SOHLH2: variants seen among roughly 807,000 people sequenced by gnomAD.
SOHLH2 encodes spermatogenesis- and oogenesis-specific basic helix-loop-helix-containing protein 2.
In SOHLH2, 22 loss-of-function variants were observed where a neutral mutation model predicts 50.4. The observed-to-expected ratio is 0.44, with a 90% CI of 0.31 to 0.62. The LOEUF is 0.62. SOHLH2 is among the 20% of genes least tolerant of loss of function. The pLI, the probability that SOHLH2 is intolerant of heterozygous loss-of-function variation, is 0.08. For missense variants in SOHLH2, 412 were observed against 504.4 expected (o/e 0.82, Z 1.76); for synonymous variants, 185 against 187.3 (o/e 0.99, Z 0.10).
At chr13:36,209,703 C>T (rs544473095) in intron 1 of SOHLH2, among the ~76,000 whole-genome samples, 8 of 152,312 alleles carry the variant, frequency 5.3e-5, no homozygotes, top group African/African-American at 1.9e-4. Context: ...AACATTCAGA[C>T]TACAGCACCT....
At chr13:36,210,846 T>G (rs936673820) in intron 1 of SOHLH2, among the ~76,000 whole-genome samples, 3 of 147,968 alleles carry the variant, frequency 2.0e-5, no homozygotes, top group Non-Finnish European at 4.6e-5. Context: ...ATATGTAATT[T>G]CTACAGTAGA....
chr13:36,178,009 T>C (rs1365535674), intron 6 of SOHLH2, among the ~76,000 whole-genome samples: 1 of 151,992 alleles, frequency 6.6e-6, no homozygotes, highest in Non-Finnish European at 1.5e-5. Context: ...GAAGACATTC[T>C]ATTTTCTTGT....
Position 36,201,798 on chromosome 13 carries a change from T to C in SOHLH2, c.263+81A>G. ...ATTTGAAAAGTAAAATAGAAATATA[T>C]CATCTTTTTAGGAGTTTTTAAAAAA... On this transcript the variant is annotated intron_variant, in intron 2 of 10. Coordinates refer to ENST00000379881, the MANE Select transcript of SOHLH2 (RefSeq NM_017826.3). 3 of 1,545,088 alleles carry C rather than the reference T, an allele frequency of 1.9e-6. No homozygotes were observed. The South Asian group carries it at 3.7e-5, about 19-fold the overall frequency.
rs1887057762 is a variant in SOHLH2, at chr13:36,174,776, T to C, written c.735A>G (p.Thr245=). ...CCCGGATATATTTCACATAATCAAC[T>C]GTTGCCTCAAGAACTGAAGCCGCAT... ...KNDAASVLEA[T]VDYVKYIREK... The change falls in exon 7 of 11, where the codon ACA becomes ACG. Residue 245 remains threonine (T), a synonymous_variant. Transcript: ENST00000379881. 6 of 1,612,528 alleles carry C rather than the reference T, an allele frequency of 3.7e-6. No homozygotes were observed. The highest frequency in any genetic ancestry group is 5.1e-6 in the Non-Finnish European group (6 of 1,179,626).
chr13:36,175,450 C>T (rs534829709), intron 6 of SOHLH2, among the ~76,000 whole-genome samples: 9 of 152,274 alleles, frequency 5.9e-5, no homozygotes, highest in East Asian at 1.9e-4. Context: ...ACAGACAGAA[C>T]GAGCAGACCA....
intron 2 of SOHLH2, among the ~76,000 whole-genome samples, chr13:36,198,269 C>G (rs371338579): frequency 6.6e-6 from 1 of 152,120 alleles, no homozygotes; most frequent in South Asian, 2.1e-4. Flanking sequence ...AGAAGAAAAC[C>G]GCAACTCCCC....
chr13:36,208,942 CCT>C (rs1283848619), intron 1 of SOHLH2, among the ~76,000 whole-genome samples: 1 of 152,106 alleles, frequency 6.6e-6, no homozygotes, highest in Non-Finnish European at 1.5e-5. Flanking sequence ...ATGCTTTTCT[CCT>C]CTTTTTCCTC....
Position 36,200,741 on chromosome 13 carries a change from T to C in SOHLH2, c.263+1138A>G, listed in dbSNP as rs369557622. Among the ~76,000 whole-genome samples the C allele has an allele frequency of 5.9e-5, 9 of 152,182 alleles. No homozygotes were observed. In the East Asian group the frequency reaches 1.5e-3, roughly 26 times the overall value. ...CCACTGGGCTCCAATTTTCTAGAGC[T>C]GGAGTGGGTTAAAAAGAAGCAGAAC... On this transcript the variant is annotated intron_variant, in intron 2 of 10. Coordinates refer to ENST00000379881, the MANE Select transcript of SOHLH2 (RefSeq NM_017826.3).
intron 1 of SOHLH2, among the ~76,000 whole-genome samples, chr13:36,204,780 C>T (rs1164744210): frequency 6.6e-6 from 1 of 152,160 alleles, no homozygotes; most frequent in African/African-American, 2.4e-5. Context: ...TCTCTTCCAA[C>T]AGAAATCGGC....
intron 1 of SOHLH2, among the ~76,000 whole-genome samples, chr13:36,214,205 C>T (rs1869293662): frequency 6.6e-6 from 1 of 152,170 alleles, no homozygotes; most frequent in Non-Finnish European, 1.5e-5. Flanking sequence ...CCTCCTCTCC[C>T]GAGATAAATC....
chr13:36,197,538 G>C (rs1009140432), intron 2 of SOHLH2, among the ~76,000 whole-genome samples: 3 of 152,168 alleles, frequency 2.0e-5, no homozygotes, highest in Non-Finnish European at 4.4e-5. Context: ...GAAGCCTGCG[G>C]AAATTTCTAC....
At chr13:36,196,596 A>G (rs1887739357) in intron 2 of SOHLH2, among the ~76,000 whole-genome samples, 1 of 152,236 alleles carries the variant, frequency 6.6e-6, no homozygotes, top group Admixed American at 6.5e-5. Flanking sequence ...TGGATTCAAA[A>G]AAGTAAATTA....
intron 6 of SOHLH2, chr13:36,183,136 C>T (rs1314498998): frequency 2.8e-6 from 1 of 357,832 alleles, no homozygotes; most frequent in Non-Finnish European, 6.1e-6. Flanking sequence ...TTGCCTCCTG[C>T]CATGATTGTA....
At chr13:36,179,628 G>A (rs1045649316) in intron 6 of SOHLH2, among the ~76,000 whole-genome samples, 2 of 151,902 alleles carry the variant, frequency 1.3e-5, no homozygotes, top group South Asian at 2.1e-4. Flanking sequence ...GGCCTGGTCG[G>A]TCTTGAACTC....
intron 5 of SOHLH2, among the ~76,000 whole-genome samples, chr13:36,191,206 T>C (rs1887562520): frequency 6.6e-6 from 1 of 152,080 alleles, no homozygotes; most frequent in South Asian, 2.1e-4. Context: ...TTCTAATGTC[T>C]ATGAGAGAGA....
Position 36,173,830 on chromosome 13 carries a change from T to A in SOHLH2, c.882-20A>T, listed in dbSNP as rs751164140. On this transcript the variant is annotated intron_variant, in intron 8 of 10. Transcript: ENST00000379881. The stretch of plus-strand genomic sequence containing the variant: ...TTTTCCCTTGAAAGGACAGAAAAAA[T>A]TATTTGCACATTTTTCAAGGAAAAC... 6.8e-6 allele frequency: 11 copies of A among 1,613,306 alleles called. No homozygotes were observed. The Admixed American group carries it at 1.3e-4, about 20-fold the overall frequency.
intron 4 of SOHLH2, among the ~76,000 whole-genome samples, 184 bp from the exon 5 acceptor site, chr13:36,192,078 A>C (rs1279943270): frequency 6.6e-6 from 1 of 152,220 alleles, no homozygotes; most frequent in Non-Finnish European, 1.5e-5. Context: ...CTAGGTTAGA[A>C]AGCAAAAACT....
At chr13:36,199,205 T>G (rs1284760427) in intron 2 of SOHLH2, among the ~76,000 whole-genome samples, 1 of 151,694 alleles carries the variant, frequency 6.6e-6, no homozygotes, top group Non-Finnish European at 1.5e-5. Context: ...TCTACAGGGG[T>G]TTAAACAATT....
chr13:36,198,814 T>C (rs546027061), intron 2 of SOHLH2, among the ~76,000 whole-genome samples: 2 of 152,362 alleles, frequency 1.3e-5, no homozygotes, highest in Admixed American at 6.5e-5. Context: ...TACAGATGTA[T>C]AGATTTGTGA....
Sources: allele counts gnomAD v4.1 joint callset (sites outside exome capture counted in the v4.1 genomes callset), GRCh38; gene constraint gnomAD v4.1.1; transcripts MANE v1.5; gene names NCBI Gene and HGNC (gene_info 2026-07-23, HGNC 2026-07-21).